The following NRDE2 variants were observed in gnomAD, a reference collection of about 807,000 sequenced individuals.
NRDE2 encodes NRDE-2, necessary for RNA interference, domain containing, also known as nuclear exosome regulator NRDE2.
NRDE2 carries 76 observed loss-of-function variants against 124.2 expected under a neutral mutation model. The observed-to-expected ratio is 0.61, with a 90% confidence interval of 0.51 to 0.74. NRDE2 has a LOEUF of 0.74. Ranked by LOEUF, NRDE2 falls within the 30% of genes least tolerant of loss-of-function variation. The pLI is 0.00. For missense variants in NRDE2, 1,314 were observed against 1,417.3 expected (o/e 0.93, Z 1.17); for synonymous variants, 489 against 528.1 (o/e 0.93, Z 1.01).
At chr14:90,289,878 G>A (rs1234708147) in intron 10 of NRDE2, among the ~76,000 whole-genome samples, 4 of 152,204 alleles carry the variant, frequency 2.6e-5, no homozygotes, top group African/African-American at 9.6e-5. Flanking sequence ...GTGAGCCACC[G>A]CGCCTGACGC....
chr14:90,279,869 G>A (rs1306784099), intron 12 of NRDE2: 1 of 152,226 alleles, frequency 6.6e-6, no homozygotes, highest in Non-Finnish European at 1.5e-5. Flanking sequence ...AGGGCTTGTG[G>A]AGCTGAAGTC....
In NRDE2 at chr14:90,288,297, C is replaced by T. The variant is rs746526074; in HGVS notation, c.3078G>A (p.Arg1026=). 1 of 1,614,192 alleles carries T rather than the reference C, an allele frequency of 6.2e-7. No individual in the cohort carries two copies. Among genetic ancestry groups the T allele is most frequent in the Admixed American group, 1.7e-5 (1 of 60,030 alleles). The change falls in exon 11 of 14, where the codon AGG becomes AGA. Residue 1026 remains arginine, a synonymous_variant. Transcript: ENST00000354366. The stretch of plus-strand genomic sequence containing the variant: ...ACCAAGGCTCCAAGGGTTTGGCAGA[C>T]CTGGTGATTGTGTCAAAAAATCTCC... ...KTRRFFDTIT[R]SAKPLEPWLF... is the part of the protein sequence containing the mutation.
chr14:90,315,737 C>T (rs1262761328), intron 3 of NRDE2, among the ~76,000 whole-genome samples: 1 of 151,946 alleles, frequency 6.6e-6, no homozygotes, highest in East Asian at 1.9e-4. Context: ...AGGTGGATCA[C>T]CTGAGGTCAG....
chr14:90,320,331 C>CAGAGGAAAGAGTAA (rs1885197572), intron 1 of NRDE2, among the ~76,000 whole-genome samples: 1 of 152,098 alleles, frequency 6.6e-6, no homozygotes, highest in African/African-American at 2.4e-5. Context: ...GTGGTGGCAA[C>CAGAGGAAAGAGTAA]AGAGGAAAGA....
In NRDE2 at chr14:90,274,821, CACA is replaced by C. The variant is rs1566678060; in HGVS notation, c.*3512_*3514del. The stretch of plus-strand genomic sequence containing the variant: ...ACACACACACACACACACACACACA[CACA>C]CACACACACACACACCCCAATACAT... On this transcript the variant is annotated 3_prime_UTR_variant, in exon 14 of 14. Transcript: ENST00000354366. The C allele has an allele frequency of 1.1e-5, 1 of 91,166 alleles. No individual in the cohort carries two copies. Among genetic ancestry groups the C allele is most frequent in the Non-Finnish European group, 2.2e-5 (1 of 45,964 alleles). The allele number at this position is 91,166 out of a possible 1,614,324, so 5.6% of individuals were successfully genotyped here.
rs897977195 is a variant in NRDE2 at position 90,268,088 on chromosome 14, CTTGAA to C, written c.*10243_*10247del. 2.2e-5 allele frequency: 14 copies of C among 643,596 alleles called. No individual in the cohort carries two copies. The highest frequency in any genetic ancestry group is 3.7e-5 in the African/African-American group (2 of 54,354). 39.9% of individuals were successfully genotyped at this position (643,596 alleles called of 1,614,324 possible). A position where few individuals can be genotyped will look rare whatever the true frequency, so the allele number is the denominator to read the frequency against. ...CTTAGGAGAATGGAATGTCGTGACA[CTTGAA>C]TTGGTGCCATGCCTTAGCATGAGGG... On this transcript the variant is annotated 3_prime_UTR_variant, in exon 14 of 14. Transcript: ENST00000354366.
rs375523870 is a variant in NRDE2 at position 90,283,852 on chromosome 14, C to T, written c.3297+2502G>A. Among the ~76,000 whole-genome samples the T allele has an allele frequency of 5.0e-4, 76 of 152,094 alleles. No homozygotes were observed. The South Asian group carries it at 0.014, about 29-fold the overall frequency. ...TCAGCCTCCCGAGTAGCTGGGACTA[C>T]AGGCACCTGCTACCACGCCCGGCTA... On this transcript the variant is annotated intron_variant, in intron 12 of 13. Coordinates refer to ENST00000354366, the MANE Select transcript of NRDE2 (RefSeq NM_017970.4).
Position 90,331,924 on chromosome 14 carries a change from G to GTTC in NRDE2, c.-23_-21dup. ...CGCCATGACCACAGGCCGTACCTCC[G>GTTC]TTCTTCTCTATAGGGATGGCGCCGG... On this transcript the variant is annotated 5_prime_UTR_variant, in exon 1 of 14. Coordinates refer to ENST00000354366, the MANE Select transcript of NRDE2 (RefSeq NM_017970.4). 6.2e-7 allele frequency: 1 copy of GTTC among 1,613,958 alleles called. No individual in the cohort carries two copies. Among genetic ancestry groups the GTTC allele is most frequent in the Middle Eastern group, 1.6e-4 (1 of 6,062 alleles).
At chr14:90,322,220 T>C (rs1885271493) in intron 1 of NRDE2, among the ~76,000 whole-genome samples, 1 of 152,194 alleles carries the variant, frequency 6.6e-6, no homozygotes, top group Non-Finnish European at 1.5e-5. Context: ...CAAATCCTTA[T>C]AGGGACCAGA....
At chr14:90,288,135 T>G in intron 11 of NRDE2, 82 bp downstream of exon 11, 3 of 1,329,454 alleles carry the variant, frequency 2.3e-6, no homozygotes, top group Non-Finnish European at 3.2e-6. Context: ...CCTGTCTTCC[T>G]GAGACCCAGC....
At chr14:90,323,910 A>G (rs1440159974) in intron 1 of NRDE2, among the ~76,000 whole-genome samples, 1 of 152,160 alleles carries the variant, frequency 6.6e-6, no homozygotes. Context: ...TTTTACTGAC[A>G]GCCAAGTACT....
intron 4 of NRDE2, among the ~76,000 whole-genome samples, chr14:90,305,929 A>C (rs965254678): frequency 6.6e-6 from 1 of 152,138 alleles, no homozygotes; most frequent in South Asian, 2.1e-4. Flanking sequence ...ATAAATATTG[A>C]CCTCTAGTTA....
At position 90,269,596 on chromosome 14, in the gene NRDE2, T is replaced by G. The variant is rs574775802; in HGVS notation, c.*8740A>C. The stretch of plus-strand genomic sequence containing the variant: ...CATGGAGATTAATGTGTTTATATAT[T>G]TGTGTTTAAGTGTGCTTTGGGAGGC... On this transcript the variant is annotated 3_prime_UTR_variant, in exon 14 of 14. Transcript: ENST00000354366. The G allele has an allele frequency of 7.6e-6, 12 of 1,587,274 alleles. No individual in the cohort carries two copies. The highest frequency in any genetic ancestry group is 1.0e-5 in the Non-Finnish European group (12 of 1,162,058).
rs1222334867 is a variant in NRDE2 at position 90,272,680 on chromosome 14, TG to T, written c.*5655del. On this transcript the variant is annotated 3_prime_UTR_variant, in exon 14 of 14. Transcript: ENST00000354366. This position sits in a 1 kb window ranked among gnomAD's most constrained non-coding sequence, Gnocchi z 4.5. ...CTACCGCTCAACAGCAGCCTGTGGG[TG>T]GACCCAGCTACAGGGAAGCCTTTGG... 1 of 287,840 alleles carries T rather than the reference TG, an allele frequency of 3.5e-6. No homozygotes were observed. Among genetic ancestry groups the T allele is most frequent in the African/African-American group, 2.2e-5 (1 of 44,610 alleles). 17.8% of individuals were successfully genotyped at this position (287,840 alleles called of 1,614,324 possible).
chr14:90,298,646 A>C (rs907412881), intron 7 of NRDE2, among the ~76,000 whole-genome samples: 8 of 152,192 alleles, frequency 5.3e-5, no homozygotes, highest in Non-Finnish European at 1.2e-4. Context: ...TAGTGATTCC[A>C]ACACACAAAA....
At chr14:90,306,976 T>C (rs1409081632) in intron 4 of NRDE2, among the ~76,000 whole-genome samples, 3 of 152,140 alleles carry the variant, frequency 2.0e-5, no homozygotes, top group African/African-American at 7.2e-5. Flanking sequence ...ATTCATAAAA[T>C]CTCTTGAAAA....
intron 9 of NRDE2, among the ~76,000 whole-genome samples, chr14:90,290,851 G>A (rs1300544576): frequency 6.6e-6 from 1 of 151,826 alleles, no homozygotes; most frequent in Non-Finnish European, 1.5e-5. Flanking sequence ...GGGAAAGCCT[G>A]AGGAGGAGAG....
At chr14:90,289,800 T>A (rs149247565) in intron 10 of NRDE2, among the ~76,000 whole-genome samples, 2 of 152,306 alleles carry the variant, frequency 1.3e-5, no homozygotes, top group Non-Finnish European at 2.9e-5. Context: ...GTTGGCCAGG[T>A]TGGTCTCGAA....
rs372871902 is a variant in NRDE2, at chr14:90,298,451, G to A, written c.1546-71C>T. The A allele has an allele frequency of 2.2e-5, 32 of 1,483,818 alleles. 1 individual carries two copies. In the African/African-American group the frequency reaches 2.8e-4, roughly 13 times the overall value. The allele number at this position is 1,483,818 out of a possible 1,614,324, so 91.9% of individuals were successfully genotyped here. A position where few individuals can be genotyped will look rare whatever the true frequency, so the allele number is the denominator to read the frequency against. ...TGCTGAGTCAGTGGGCAAAATCCGC[G>A]CTGGTGGATATAAGAGAAGCTTATG... On this transcript the variant is annotated intron_variant, in intron 7 of 13. Transcript: ENST00000354366.
Sources: allele counts gnomAD v4.1 joint callset (sites outside exome capture counted in the v4.1 genomes callset), GRCh38; gene constraint gnomAD v4.1.1; non-coding constraint Gnocchi (gnomAD v3.1); transcripts MANE v1.5; gene names NCBI Gene and HGNC (gene_info 2026-07-23, HGNC 2026-07-21).